Variants in GALNT13 observed in about 807,000 individuals in gnomAD.
GALNT13 encodes polypeptide N-acetylgalactosaminyltransferase 13, also known as UDP-GalNAc:polypeptide N-acetylgalactosaminyltransferase 13.
GALNT13 carries 28 observed loss-of-function variants against 64.2 expected under a neutral mutation model. That is an observed-to-expected ratio of 0.44 (90% CI 0.32 to 0.60). The LOEUF is 0.60. GALNT13 is among the 20% of genes least tolerant of loss of function. The pLI, the probability that GALNT13 is intolerant of heterozygous loss-of-function variation, is 0.05. For missense variants in GALNT13, 577 were observed against 669.8 expected (o/e 0.86, Z 1.53); for synonymous variants, 214 against 224.6 (o/e 0.95, Z 0.42).
chr2:154,298,759 A>G (rs1472254376), intron 8 of GALNT13, among the ~76,000 whole-genome samples: 1 of 29,048 alleles, frequency 3.4e-5, no homozygotes, highest in Non-Finnish European at 8.1e-5. Context: ...TATATATACT[A>G]TATATAAATT....
chr2:153,812,669 A>G, the GALNT13 span, among the ~76,000 whole-genome samples: 4 of 152,300 alleles, frequency 2.6e-5, no homozygotes, highest in South Asian at 2.1e-4. Context: ...CCAAATTCTA[A>G]TTTATATTCC....
chr2:153,540,429 C>T, the GALNT13 span, among the ~76,000 whole-genome samples: 1 of 152,178 alleles, frequency 6.6e-6, no homozygotes, highest in African/African-American at 2.4e-5. Flanking sequence ...TCTACTAGGG[C>T]AATGAAGAGG....
chr2:153,719,679 C>T, the GALNT13 span, among the ~76,000 whole-genome samples: 155 of 152,150 alleles, frequency 1.0e-3, 2 homozygotes, highest in South Asian at 4.8e-3. Context: ...GTTCCCTTTC[C>T]GAGTCAAAGA....
the GALNT13 span, among the ~76,000 whole-genome samples, chr2:153,584,443 G>A: frequency 2.6e-5 from 4 of 152,206 alleles, no homozygotes; most frequent in Non-Finnish European, 5.9e-5. Context: ...ACCTGCAAGT[G>A]CCATCTACTG....
At chr2:153,664,842 C>T in the GALNT13 span, among the ~76,000 whole-genome samples, 1 of 152,138 alleles carries the variant, frequency 6.6e-6, no homozygotes, top group East Asian at 1.9e-4. Flanking sequence ...ATCCACCTAG[C>T]CCACTTACAC....
At chr2:153,621,708 G>T in the GALNT13 span, among the ~76,000 whole-genome samples, 1 of 152,092 alleles carries the variant, frequency 6.6e-6, no homozygotes, top group Admixed American at 6.6e-5. Flanking sequence ...AGGCAGAGGA[G>T]CCTCACCCAG....
At chr2:153,905,282 G>A (rs1428643319) in intron 2 of GALNT13, among the ~76,000 whole-genome samples, 6 of 151,850 alleles carry the variant, frequency 4.0e-5, no homozygotes, top group Admixed American at 3.3e-4. Flanking sequence ...AATATATACA[G>A]CATTTCCTCC....
the GALNT13 span, among the ~76,000 whole-genome samples, chr2:153,235,478 G>T: frequency 6.6e-6 from 1 of 152,096 alleles, no homozygotes; most frequent in Non-Finnish European, 1.5e-5. Context: ...GCATATTCTG[G>T]GTGGTCTGCT....
At chr2:154,096,360 CAGAAGAGGTT>C (rs1702073094) in intron 3 of GALNT13, among the ~76,000 whole-genome samples, 1 of 151,920 alleles carries the variant, frequency 6.6e-6, no homozygotes, top group Admixed American at 6.6e-5. Flanking sequence ...TCCTACAAAC[CAGAAGAGGTT>C]CTTAAGAGGC....
chr2:153,548,444 G>A, the GALNT13 span, among the ~76,000 whole-genome samples: 15 of 152,258 alleles, frequency 9.9e-5, no homozygotes, highest in Non-Finnish European at 1.3e-4. Flanking sequence ...GAAATGCTTC[G>A]TTTATTGTCA....
chr2:153,712,407 C>A, the GALNT13 span, among the ~76,000 whole-genome samples: 1 of 152,058 alleles, frequency 6.6e-6, no homozygotes. Flanking sequence ...CCTTCTTGCC[C>A]TAGGTTCTTA....
At chr2:154,135,769 A>G (rs1180492052) in intron 3 of GALNT13, among the ~76,000 whole-genome samples, 1 of 152,152 alleles carries the variant, frequency 6.6e-6, no homozygotes, top group Non-Finnish European at 1.5e-5. Flanking sequence ...TCAAGGTTGT[A>G]GTGAGCTGTG....
the GALNT13 span, among the ~76,000 whole-genome samples, chr2:153,271,644 A>G: frequency 1.3e-5 from 2 of 152,230 alleles, no homozygotes; most frequent in East Asian, 1.9e-4. Flanking sequence ...AAAACATTCT[A>G]TGCTCATGGA....
At chr2:153,391,278 A>G in the GALNT13 span, among the ~76,000 whole-genome samples, 1 of 152,024 alleles carries the variant, frequency 6.6e-6, no homozygotes, top group South Asian at 2.1e-4. Context: ...TTAGGGAGAC[A>G]AGGGAGCAGA....
At chr2:154,086,788 G>A (rs749444857) in intron 3 of GALNT13, among the ~76,000 whole-genome samples, 5 of 151,446 alleles carry the variant, frequency 3.3e-5, no homozygotes, top group African/African-American at 4.8e-5. Context: ...ACACACACGC[G>A]CACGCGATAG....
the GALNT13 span, among the ~76,000 whole-genome samples, chr2:153,856,377 G>A: frequency 6.6e-6 from 1 of 152,026 alleles, no homozygotes; most frequent in African/African-American, 2.4e-5. Context: ...ACCCAGAGTG[G>A]AAGATATTTT....
chr2:154,226,301 T>A (rs189203828), intron 4 of GALNT13, among the ~76,000 whole-genome samples: 2 of 152,264 alleles, frequency 1.3e-5, no homozygotes, highest in Non-Finnish European at 2.9e-5. Context: ...ACATTAGTAA[T>A]GGCACAAATC....
chr2:153,086,025 A>G, the GALNT13 span, among the ~76,000 whole-genome samples: 1 of 152,164 alleles, frequency 6.6e-6, no homozygotes, highest in Admixed American at 6.5e-5. Flanking sequence ...GATCATTTAG[A>G]AACTTTAATA....
At chr2:153,582,669 G>C in the GALNT13 span, among the ~76,000 whole-genome samples, 1 of 152,018 alleles carries the variant, frequency 6.6e-6, no homozygotes, top group South Asian at 2.1e-4. Context: ...ATTTGTCCCT[G>C]TAGAGCTCCT....
Sources: allele counts gnomAD v4.1 joint callset (sites outside exome capture counted in the v4.1 genomes callset), GRCh38; gene constraint gnomAD v4.1.1; transcripts MANE v1.5; gene names NCBI Gene and HGNC (gene_info 2026-07-23, HGNC 2026-07-21).